The following UXT variants were observed in gnomAD, a reference collection of about 807,000 sequenced individuals.
The protein encoded by UXT is ubiquitously expressed prefoldin like chaperone.
For missense variants in UXT, 111 were observed against 132.7 expected (o/e 0.84, Z 0.80); for synonymous variants, 54 against 52.8 (o/e 1.02, Z -0.10).
intron 4 of UXT, among the ~76,000 whole-genome samples, chrX:47,654,656 A>G (rs1408014423): frequency 8.9e-6 from 1 of 112,273 alleles, no homozygotes; most frequent in Non-Finnish European, 1.9e-5. Flanking sequence ...GACACTTTTG[A>G]TCACATAAAA....
Position 47,654,441 on chromosome X carries a change from C to T in UXT, c.393-2297G>A, listed in dbSNP as rs753079988. Among the ~76,000 whole-genome samples, 7 of 110,648 alleles carry T rather than the reference C, an allele frequency of 6.3e-5. No homozygotes were observed. In the South Asian group the frequency reaches 2.7e-3, roughly 43 times the overall value. ...CAGGCTGGTCTTGAACTCCTGACCT[C>T]GTGATCCACCCACCTCGGCCTCCCA... is the stretch of plus-strand genomic sequence containing the variant. On this transcript the variant is annotated intron_variant, in intron 4 of 5. Transcript: ENST00000335890.
At chrX:47,658,683 G>T in intron 1 of UXT, 147 bp downstream of exon 2, 1 of 845,056 alleles carries the variant, frequency 1.2e-6, no homozygotes, top group Non-Finnish European at 1.6e-6. Flanking sequence ...CTGCACCCCG[G>T]ATGTCGTCCC....
rs1159359764 is a variant in UXT at position 47,657,195 on chromosome X, G to C, written c.380C>G (p.Ser127Cys). The C allele has an allele frequency of 8.3e-7, 1 of 1,199,501 alleles. No individual in the cohort carries two copies. Among genetic ancestry groups the C allele is most frequent in the African/African-American group, 1.8e-5 (1 of 56,876 alleles). The change falls in exon 4 of 6, where the codon TCT (serine) becomes TGT (cysteine). Residue 127 changes from serine (S) to cysteine (C), a missense_variant. Physicochemically the swap from Ser to Cys is moderately radical, Grantham distance 112 (BLOSUM62 -1). Transcript: ENST00000335890. ...GGAATGGACTTACTCTGTGAGGAGA[G>C]AGCTCTTACGATCAATGAACTTGAG...
At chrX:47,658,490 G>C (rs187073249) in intron 1 of UXT, among the ~76,000 whole-genome samples, 1 of 112,265 alleles carries the variant, frequency 8.9e-6, no homozygotes, top group Non-Finnish European at 1.9e-5. Context: ...CCATTTCACA[G>C]AAGAGTAAAG....
In UXT at chrX:47,659,066, C is replaced by G; in HGVS notation, c.-103G>C. ...GCTGGAGGTTCAGCCTTCCGCCCCT[C>G]CCAACTCGGGGACCCGACCACCCAG... On this transcript the variant is annotated 5_prime_UTR_variant, in exon 1 of 6. Transcript: ENST00000335890. The G allele has an allele frequency of 2.6e-6, 3 of 1,152,466 alleles. No homozygotes were observed. The highest frequency in any genetic ancestry group is 3.5e-6 in the Non-Finnish European group (3 of 850,174). The allele number at this position is 1,152,466 out of a possible 1,213,427, so 95.0% of individuals were successfully genotyped here.
intron 3 of UXT, 74 bp from the exon 5 acceptor site, chrX:47,657,364 C>A: frequency 1.1e-6 from 1 of 936,551 alleles, no homozygotes; most frequent in East Asian, 3.3e-5. Context: ...TTTTGCTCCC[C>A]ACCCTTCCCC....
intron 4 of UXT, among the ~76,000 whole-genome samples, chrX:47,654,915 A>G (rs939050422): frequency 1.9e-4 from 21 of 112,221 alleles, no homozygotes; most frequent in Non-Finnish European, 3.2e-4. Context: ...AAGTACGTGG[A>G]GTCTCAAAAC....
intron 4 of UXT, among the ~76,000 whole-genome samples, chrX:47,656,458 C>T (rs1465279970): frequency 8.9e-6 from 1 of 111,817 alleles, no homozygotes; most frequent in African/African-American, 3.3e-5. Flanking sequence ...GAGGAGACAA[C>T]ATGAGAAAGA....
chrX:47,653,975 G>A (rs2058075942), intron 4 of UXT: 6 of 449,318 alleles, frequency 1.3e-5, no homozygotes, highest in South Asian at 1.2e-4. Context: ...AGCTCCTAAG[G>A]GACAATTTTA....
Position 47,657,212 on chromosome X carries a change from G to A in UXT, c.363C>T (p.Phe121=). ...TGAGGAGAGAGCTCTTACGATCAAT[G>A]AACTTGAGAGCTTCTGCCAGTGTCA... The change falls in exon 4 of 6, where the codon TTC becomes TTT. Residue 121 remains phenylalanine (F), a synonymous_variant. Transcript: ENST00000335890. 8.3e-7 allele frequency: 1 copy of A among 1,206,694 alleles called. No individual in the cohort carries two copies.
At chrX:47,656,120 C>A (rs180931627) in intron 4 of UXT, among the ~76,000 whole-genome samples, 2 of 111,922 alleles carry the variant, frequency 1.8e-5, no homozygotes, top group Admixed American at 1.9e-4. Flanking sequence ...CAACACAGAT[C>A]TGCTTCAATA....
chrX:47,651,947 C>G, intron 5 of UXT, 52 bp from the exon 7 acceptor site: 2 of 1,194,102 alleles, frequency 1.7e-6, no homozygotes, highest in Non-Finnish European at 2.3e-6. Flanking sequence ...GGGTTACGCC[C>G]CCAGGCTTGC....
chrX:47,658,760 C>T (rs1327080978), intron 1 of UXT, 70 bp downstream of exon 2: 4 of 1,093,609 alleles, frequency 3.7e-6, no homozygotes, highest in Admixed American at 7.0e-5. Context: ...AAAGGGTTGG[C>T]CCTAACTTTG....
At chrX:47,658,340 G>C (rs991542009) in intron 1 of UXT, among the ~76,000 whole-genome samples, 2 of 111,524 alleles carry the variant, frequency 1.8e-5, no homozygotes, top group African/African-American at 6.5e-5. Flanking sequence ...TTCCTGCTTA[G>C]ATTAACAAAG....
At chrX:47,652,399 T>C (rs2058070569) in intron 4 of UXT, among the ~76,000 whole-genome samples, 1 of 112,393 alleles carries the variant, frequency 8.9e-6, no homozygotes, top group Non-Finnish European at 1.9e-5. Flanking sequence ...CTTCAAATTC[T>C]TGTAAAGAAA....
intron 4 of UXT, chrX:47,654,177 G>T: frequency 1.7e-5 from 8 of 472,490 alleles, no homozygotes; most frequent in Non-Finnish European, 2.1e-5. Context: ...GATTTAGTAT[G>T]TAAGGCAGTG....
At position 47,657,871 on chromosome X, in the gene UXT, G is replaced by A; in HGVS notation, c.135-8C>T. 1 of 1,132,468 alleles carries A rather than the reference G, an allele frequency of 8.8e-7. No homozygotes were observed. The highest frequency in any genetic ancestry group is 1.2e-6 in the Non-Finnish European group (1 of 856,739). 93.3% of individuals were successfully genotyped at this position (1,132,468 alleles called of 1,213,427 possible). A position where few individuals can be genotyped will look rare whatever the true frequency, so the allele number is the denominator to read the frequency against. On this transcript the variant is annotated splice_polypyrimidine_tract_variant and splice_region_variant and intron_variant, in intron 1 of 5. Transcript: ENST00000335890. ...CGATGGTCCAGCACCTTTCTGATGG[G>A]ACGAAAGTACAATGGTGACCAATAG... is the stretch of plus-strand genomic sequence containing the variant.
intron 4 of UXT, 34 bp from the exon 6 acceptor site, chrX:47,652,178 C>A: frequency 3.5e-6 from 4 of 1,141,809 alleles, no homozygotes; most frequent in Non-Finnish European, 4.8e-6. Flanking sequence ...GCAAAATGGG[C>A]CCCACATGAT....
Position 47,651,888 on chromosome X carries a change from C to G in UXT, c.464G>C (p.Arg155Thr). 1 of 1,211,516 alleles carries G rather than the reference C, an allele frequency of 8.3e-7. No homozygotes were observed. The highest frequency in any genetic ancestry group is 1.7e-5 in the African/African-American group (1 of 57,922). Residue 155 changes from arginine to threonine, a missense_variant, in exon 6 of 6, where the codon AGA becomes ACA. By Grantham distance (71) the Arg-to-Thr change is moderately conservative. Coordinates refer to ENST00000335890, the MANE Select transcript of UXT (RefSeq NM_153477.3). ...GAAATTCTGCAGGCCTTGTAGTTCT[C>G]TAAGCCCCTGAAAAAGAGGACAGAA...
Sources: gnomAD v4.1 joint callset for allele counts (sites outside exome capture counted in the v4.1 genomes callset) on GRCh38, gnomAD v4.1.1 for gene constraint, MANE v1.5 for transcripts, NCBI Gene and HGNC (gene_info 2026-07-23, HGNC 2026-07-21) for gene names.